The following ADGRA3 variants were observed in gnomAD, a reference collection of about 807,000 sequenced individuals.
The protein encoded by ADGRA3 is adhesion G protein-coupled receptor A3.
ADGRA3 carries 56 observed loss-of-function variants against 119.8 expected under a neutral mutation model. The ratio of observed to expected loss-of-function variants is 0.47; its 90% CI spans 0.38 to 0.58. ADGRA3 has a LOEUF of 0.58. ADGRA3 is among the 20% of genes least tolerant of loss of function. The pLI is 0.00. For synonymous variants in ADGRA3, 607 were observed against 623.8 expected, an observed-to-expected ratio of 0.97 and a Z score of 0.40; for missense variants, 1,516 against 1,649.0, an observed-to-expected ratio of 0.92 and a Z score of 1.40.
At chr4:22,444,910 AG>A in intron 6 of ADGRA3, 62 bp downstream of exon 6, 1 of 1,538,240 alleles carries the variant, frequency 6.5e-7, no homozygotes, top group Non-Finnish European at 9.0e-7. Context: ...CAATTTGTCA[AG>A]AAAAACATGG....
chr4:22,421,088 T>C lies in ADGRA3; in HGVS notation c.1607A>G (p.Tyr536Cys), dbSNP rs1318837353. 3 of 1,612,672 alleles carry C rather than the reference T, an allele frequency of 1.9e-6. No homozygotes were observed. Among genetic ancestry groups the C allele is most frequent in the South Asian group, 2.2e-5 (2 of 90,938 alleles). The part of the protein sequence containing the change: ...LAGGAHVYST[Y>C]SPNIALEAYV... ...AGCTTCCAGAGCAATATTGGGTGAA[T>C]ACTTGAAAAGTCAATCAAACAGGAG... The change falls in exon 12 of 19, where the codon TAT becomes TGT. Residue 536 changes from tyrosine (Y) to cysteine (C), a missense_variant and splice_region_variant. Tyr to Cys is a radical substitution (Grantham distance 194, BLOSUM62 -2). Around this residue, in one of 2 missense-constraint regions of ADGRA3, gnomAD observed 1,088 missense variants for 1,107.1 expected, o/e 0.98. Coordinates refer to ENST00000334304, the MANE Select transcript of ADGRA3 (RefSeq NM_145290.4).
intron 5 of ADGRA3, among the ~76,000 whole-genome samples, chr4:22,446,407 T>C (rs1716830103): frequency 6.6e-6 from 1 of 152,166 alleles, no homozygotes; most frequent in African/African-American, 2.4e-5. Context: ...TCCTAATCTT[T>C]GCAGAAATGG....
At chr4:22,459,307 G>A (rs895781931) in intron 3 of ADGRA3, among the ~76,000 whole-genome samples, 2 of 151,930 alleles carry the variant, frequency 1.3e-5, no homozygotes, top group African/African-American at 4.8e-5. Context: ...ACACACACTG[G>A]GGCCTTTTGG....
At chr4:22,414,450 T>C in intron 12 of ADGRA3, 1 of 459,624 alleles carries the variant, frequency 2.2e-6, no homozygotes, top group South Asian at 4.6e-5. Context: ...GATTTTTAAA[T>C]AACAAATTAT....
chr4:22,481,872 G>A (rs887988487), intron 1 of ADGRA3, among the ~76,000 whole-genome samples: 6 of 152,234 alleles, frequency 3.9e-5, no homozygotes, highest in East Asian at 3.9e-4. Context: ...CAAATCAAAC[G>A]CCATTTTCTA....
intron 1 of ADGRA3, among the ~76,000 whole-genome samples, chr4:22,513,866 A>G (rs1171121668): frequency 6.6e-6 from 1 of 151,226 alleles, no homozygotes; most frequent in African/African-American, 2.4e-5. Flanking sequence ...AAAAAAAAAA[A>G]AAAAAAAACT....
At chr4:22,479,685 A>T (rs986664427) in intron 1 of ADGRA3, among the ~76,000 whole-genome samples, 2 of 152,148 alleles carry the variant, frequency 1.3e-5, no homozygotes, top group African/African-American at 4.8e-5. Flanking sequence ...TACTATAGAG[A>T]CACATGCACA....
chr4:22,508,703 C>A (rs1270049685), intron 1 of ADGRA3, among the ~76,000 whole-genome samples: 1 of 152,116 alleles, frequency 6.6e-6, no homozygotes, highest in Non-Finnish European at 1.5e-5. Flanking sequence ...CTGGCCACAC[C>A]CAAGGAGTCC....
intron 14 of ADGRA3, among the ~76,000 whole-genome samples, chr4:22,404,085 A>G (rs1366645579): frequency 6.6e-6 from 1 of 152,224 alleles, no homozygotes; most frequent in Non-Finnish European, 1.5e-5. Flanking sequence ...ACCATGCCAG[A>G]TAACCTGGGT....
intron 14 of ADGRA3, among the ~76,000 whole-genome samples, chr4:22,405,933 C>T (rs887013378): frequency 2.0e-5 from 3 of 152,144 alleles, no homozygotes; most frequent in African/African-American, 7.2e-5. Context: ...CTTGGTTGTA[C>T]TCATTAACCA....
Position 22,450,951 on chromosome 4 carries a change from A to AAAATAT in ADGRA3, c.474-3441_474-3440insATATTT, listed in dbSNP as rs1329338329. Among the ~76,000 whole-genome samples the AAAATAT allele has an allele frequency of 5.0e-3, 613 of 122,694 alleles. 9 individuals are homozygous for AAAATAT. Among genetic ancestry groups the AAAATAT allele is most frequent in the African/African-American group, 0.019 (582 of 30,400 alleles). The allele number at this position is 122,694 out of a possible 152,430, so 80.5% of individuals were successfully genotyped here. A position where few individuals can be genotyped will look rare whatever the true frequency, so the allele number is the denominator to read the frequency against. Reference sequence around the variant, plus strand: ...GGATATAACAGAAAAAAAAAAAAAAAATATATATATATATATATATACACC... The same window carrying AAAATAT: ...GGATATAACAGAAAAAAAAAAAAAAAAAATATATATATATATATATATATATACACC... On this transcript the variant is annotated intron_variant, in intron 4 of 18. Transcript: ENST00000334304.
At chr4:22,486,634 T>C (rs1161667685) in intron 1 of ADGRA3, among the ~76,000 whole-genome samples, 2 of 152,210 alleles carry the variant, frequency 1.3e-5, no homozygotes, top group African/African-American at 2.4e-5. Context: ...GGTGAGGATG[T>C]GGTTCAGTGC....
intron 1 of ADGRA3, among the ~76,000 whole-genome samples, chr4:22,497,743 C>A (rs1470838068): frequency 8.0e-6 from 1 of 124,608 alleles, no homozygotes; most frequent in African/African-American, 3.1e-5. Context: ...GAGCCAAGAT[C>A]GCATCATTGC....
intron 1 of ADGRA3, among the ~76,000 whole-genome samples, chr4:22,477,177 T>C (rs936398061): frequency 1.3e-5 from 2 of 152,204 alleles, no homozygotes; most frequent in African/African-American, 4.8e-5. Context: ...CATTTATTTA[T>C]TTATATTCAA....
Position 22,388,399 on chromosome 4 carries a change from T to C in ADGRA3, c.3272A>G (p.Asn1091Ser), listed in dbSNP as rs369248230. 84 of 1,613,972 alleles carry C rather than the reference T, an allele frequency of 5.2e-5. No individual in the cohort carries two copies. Among genetic ancestry groups the C allele is most frequent in the African/African-American group, 9.3e-5 (7 of 74,912 alleles). The change falls in exon 19 of 19, where the codon AAT becomes AGT. Residue 1091 changes from asparagine (N) to serine (S), a missense_variant. By Grantham distance (46) the Asn-to-Ser change is conservative. Transcript: ENST00000334304. ...GTNGEAPKCP[N>S]SSAESSCTNK... is the part of the protein sequence containing the mutation. Reference sequence around the variant, plus strand: ...TGTGCATGAAGACTCCGCACTGCTATTGGGGCATTTGGGTGCCTCTCCATT... The same window carrying C: ...TGTGCATGAAGACTCCGCACTGCTACTGGGGCATTTGGGTGCCTCTCCATT...
chr4:22,499,374 G>A (rs1025888830), intron 1 of ADGRA3, among the ~76,000 whole-genome samples: 5 of 152,192 alleles, frequency 3.3e-5, no homozygotes, highest in African/African-American at 1.2e-4. Context: ...GGCCAGAAAT[G>A]TTGTGATTTG....
chr4:22,442,668 T>C lies in ADGRA3; in HGVS notation c.902A>G (p.Asn301Ser). 7 of 1,612,696 alleles carry C rather than the reference T, an allele frequency of 4.3e-6. No homozygotes were observed. The highest frequency in any genetic ancestry group is 5.9e-6 in the Non-Finnish European group (7 of 1,179,388). Residue 301 changes from asparagine to serine, a missense_variant, in exon 7 of 19, where the codon AAC becomes AGC. Asn to Ser is a conservative substitution (Grantham distance 46, BLOSUM62 1). Transcript: ENST00000334304. ...GIFVEKNMIH[N>S]CSLIASALTI... ...AGTTTACCTTGCAATCAAGGAGCAG[T>C]TGTGAATCATGTTCTTTTCAACAAA... is the stretch of plus-strand genomic sequence containing the variant.
chr4:22,436,739 A>AGGGT, intron 8 of ADGRA3, 98 bp from the exon 9 acceptor site: 2 of 1,003,584 alleles, frequency 2.0e-6, no homozygotes, highest in Non-Finnish European at 3.0e-6. Context: ...AAGATGTGTC[A>AGGGT]TGTCAATACA....
At chr4:22,500,444 A>G (rs1279177259) in intron 1 of ADGRA3, among the ~76,000 whole-genome samples, 2 of 116,310 alleles carry the variant, frequency 1.7e-5, no homozygotes, top group African/African-American at 5.7e-5. Context: ...GAACACGATC[A>G]ACATTCCAAC....
Sources: allele counts gnomAD v4.1 joint callset (sites outside exome capture counted in the v4.1 genomes callset), GRCh38; gene constraint gnomAD v4.1.1; regional missense constraint gnomAD v4.1.1; transcripts MANE v1.5; gene names NCBI Gene and HGNC (gene_info 2026-07-23, HGNC 2026-07-21).